Variants in DTNB observed in about 807,000 individuals in gnomAD.
DTNB encodes DTN-B.
In DTNB, 63 loss-of-function variants were observed where a neutral mutation model predicts 90.7. That is an observed-to-expected ratio of 0.69 (90% CI 0.57 to 0.86). DTNB has a LOEUF of 0.86. Among genes scored for constraint, DTNB ranks in the 40% least tolerant of loss-of-function variants. DTNB has a pLI of 0.00. For missense variants in DTNB, 744 were observed against 807.1 expected (o/e 0.92, Z 0.95); for synonymous variants, 277 against 286.7 (o/e 0.97, Z 0.34).
intron 20 of DTNB, among the ~76,000 whole-genome samples, chr2:25,378,406 A>G (rs2036486197): frequency 6.6e-6 from 1 of 152,054 alleles, no homozygotes; most frequent in African/African-American, 2.4e-5. Flanking sequence ...GCCCCGGGGG[A>G]GCGGGCAGAG....
chr2:25,415,308 G>A (rs1352201202), intron 16 of DTNB, among the ~76,000 whole-genome samples: 5 of 147,990 alleles, frequency 3.4e-5, no homozygotes, highest in Non-Finnish European at 7.4e-5. Flanking sequence ...GTGCAGTGGC[G>A]TGATCTTGGC....
chr2:25,656,911 C>T (rs1253588637), intron 1 of DTNB, among the ~76,000 whole-genome samples: 3 of 152,214 alleles, frequency 2.0e-5, no homozygotes, highest in South Asian at 2.1e-4. Flanking sequence ...CAGTGGCTCA[C>T]GCCTGTAATC....
At chr2:25,562,774 T>C (rs2058452411) in intron 8 of DTNB, among the ~76,000 whole-genome samples, 1 of 151,976 alleles carries the variant, frequency 6.6e-6, no homozygotes, top group Non-Finnish European at 1.5e-5. Flanking sequence ...CCCAATTTAC[T>C]TTTTTTTCTT....
At chr2:25,466,513 G>C (rs1195650449) in intron 10 of DTNB, among the ~76,000 whole-genome samples, 1 of 152,234 alleles carries the variant, frequency 6.6e-6, no homozygotes, top group East Asian at 1.9e-4. Flanking sequence ...AAGGGCAGGA[G>C]TAAACACCAA....
chr2:25,649,442 C>T (rs554082860), intron 2 of DTNB, among the ~76,000 whole-genome samples: 9 of 152,150 alleles, frequency 5.9e-5, no homozygotes, highest in Admixed American at 4.6e-4. Context: ...TGGCCAGGCA[C>T]GGTAGTTCAT....
At chr2:25,483,117 A>T (rs2065344039) in intron 9 of DTNB, among the ~76,000 whole-genome samples, 2 of 152,188 alleles carry the variant, frequency 1.3e-5, no homozygotes, top group African/African-American at 4.8e-5. Flanking sequence ...AAATTCAGCA[A>T]GAGGTTCTCC....
intron 12 of DTNB, among the ~76,000 whole-genome samples, chr2:25,438,288 G>A (rs924728067): frequency 2.0e-5 from 3 of 152,114 alleles, no homozygotes; most frequent in African/African-American, 4.8e-5. Context: ...GATAGCTGAT[G>A]AGCTAAAAAT....
chr2:25,503,863 G>C (rs894061790), intron 9 of DTNB, among the ~76,000 whole-genome samples: 2 of 151,958 alleles, frequency 1.3e-5, no homozygotes, highest in East Asian at 3.9e-4. Flanking sequence ...CTTGCAGTGA[G>C]CTGAGATGGC....
At chr2:25,392,763 A>G (rs1273617086) in intron 16 of DTNB, among the ~76,000 whole-genome samples, 1 of 152,212 alleles carries the variant, frequency 6.6e-6, no homozygotes, top group Non-Finnish European at 1.5e-5. Flanking sequence ...AAAAATTGCC[A>G]ACAAAAAACA....
intron 10 of DTNB, among the ~76,000 whole-genome samples, chr2:25,460,613 A>G (rs768240843): frequency 1.3e-5 from 2 of 152,108 alleles, no homozygotes; most frequent in Admixed American, 6.6e-5. Context: ...AGGCGTTTCA[A>G]GTAGAAAGGA....
At chr2:25,462,712 T>TC (rs1171905982) in intron 10 of DTNB, among the ~76,000 whole-genome samples, 2 of 152,068 alleles carry the variant, frequency 1.3e-5, no homozygotes, top group East Asian at 1.9e-4. Context: ...AACACTCTTT[T>TC]TTTTTTTTTG....
chr2:25,588,492 A>G (rs779887735), intron 6 of DTNB, among the ~76,000 whole-genome samples: 4 of 152,092 alleles, frequency 2.6e-5, no homozygotes, highest in Non-Finnish European at 5.9e-5. Context: ...CAGCCTCCCA[A>G]GTAGCTGGGA....
At chr2:25,451,400 G>C in intron 12 of DTNB, 148 bp downstream of exon 12, 1 of 762,514 alleles carries the variant, frequency 1.3e-6, no homozygotes, top group Non-Finnish European at 2.0e-6. Context: ...GGGTGAGGAA[G>C]TTTCCTTCTA....
intron 16 of DTNB, among the ~76,000 whole-genome samples, chr2:25,417,566 T>C (rs2048285681): frequency 6.6e-6 from 1 of 152,176 alleles, no homozygotes; most frequent in South Asian, 2.1e-4. Context: ...GTGTTTCCAG[T>C]CTGTGCTCAC....
At chr2:25,466,677 A>C (rs1351529642) in intron 10 of DTNB, among the ~76,000 whole-genome samples, 2 of 152,228 alleles carry the variant, frequency 1.3e-5, no homozygotes, top group Non-Finnish European at 2.9e-5. Flanking sequence ...TTGGGGCAGA[A>C]GTTTAGATTG....
chr2:25,549,728 A>T (rs1471026988), intron 8 of DTNB, among the ~76,000 whole-genome samples: 1 of 152,040 alleles, frequency 6.6e-6, no homozygotes, highest in Non-Finnish European at 1.5e-5. Flanking sequence ...TGGAGTAATC[A>T]TGGCTCACTG....
chr2:25,599,270 T>C (rs1202928465), intron 5 of DTNB, among the ~76,000 whole-genome samples: 1 of 151,390 alleles, frequency 6.6e-6, no homozygotes, highest in East Asian at 1.9e-4. Flanking sequence ...TGATGACAAA[T>C]CCTGATTGAC....
chr2:25,390,032 C>A (rs1192519964), intron 16 of DTNB, among the ~76,000 whole-genome samples: 1 of 152,158 alleles, frequency 6.6e-6, no homozygotes, highest in Admixed American at 6.5e-5. Flanking sequence ...TCCACCAGTT[C>A]TTTCCTGTTC....
At chr2:25,397,727 A>C (rs1380479172) in intron 16 of DTNB, among the ~76,000 whole-genome samples, 1 of 152,178 alleles carries the variant, frequency 6.6e-6, no homozygotes, top group African/African-American at 2.4e-5. Context: ...TAAACATACA[A>C]AAATTAGCTG....
Sources: gnomAD v4.1 joint callset for allele counts (sites outside exome capture counted in the v4.1 genomes callset) on GRCh38, gnomAD v4.1.1 for gene constraint, MANE v1.5 for transcripts, NCBI Gene and HGNC (gene_info 2026-07-23, HGNC 2026-07-21) for gene names.